The following VPS35L variants were observed in gnomAD, a reference collection of about 807,000 sequenced individuals.
VPS35L encodes the protein VPS35 endosomal protein sorting factor like, also known as VPS35 endosomal protein-sorting factor-like.
Under a neutral mutation model 133.0 loss-of-function variants are expected in VPS35L, and 83 were observed. The observed-to-expected ratio is 0.62, with a 90% CI of 0.52 to 0.75. The LOEUF is 0.75. Ranked by LOEUF, VPS35L falls within the 30% of genes least tolerant of loss-of-function variation. The pLI, the probability that VPS35L is intolerant of heterozygous loss-of-function variation, is 0.00. For missense variants in VPS35L, 1,083 were observed against 1,206.8 expected (o/e 0.90, Z 1.52); for synonymous variants, 423 against 449.9 (o/e 0.94, Z 0.76).
intron 14 of VPS35L, 170 bp downstream of exon 14, chr16:19,616,978 T>C: frequency 1.0e-6 from 1 of 966,098 alleles, no homozygotes; most frequent in Non-Finnish European, 1.6e-6. Context: ...GCTGAGTGCT[T>C]TTCTGAGATA....
intron 7 of VPS35L, 130 bp downstream of exon 7, chr16:19,581,783 C>A: frequency 1.8e-6 from 2 of 1,088,616 alleles, no homozygotes; most frequent in Non-Finnish European, 2.6e-6. Context: ...TTTTCATATA[C>A]TTCCTGTGAA....
Position 19,669,140 on chromosome 16 carries a change from T to A in VPS35L, c.2222-20T>A. On this transcript the variant is annotated intron_variant, in intron 26 of 30. Coordinates refer to ENST00000417362, the MANE Select transcript of VPS35L (RefSeq NM_020314.7). ...TTTCCCAGAGTTCTAATATACTGAC[T>A]TTTATCTTCTGTCTTGCAGCTGATG... 6.3e-7 allele frequency: 1 copy of A among 1,590,142 alleles called. No homozygotes were observed. Among genetic ancestry groups the A allele is most frequent in the Non-Finnish European group, 8.6e-7 (1 of 1,164,718 alleles).
At chr16:19,564,630 C>G (rs763262007) in intron 1 of VPS35L, among the ~76,000 whole-genome samples, 16 of 152,188 alleles carry the variant, frequency 1.1e-4, no homozygotes, top group Non-Finnish European at 1.8e-4. Context: ...AACTCCTGAC[C>G]TCACGTGATC....
chr16:19,619,556 G>T (rs919116330), intron 14 of VPS35L, among the ~76,000 whole-genome samples: 1 of 152,024 alleles, frequency 6.6e-6, no homozygotes, highest in Non-Finnish European at 1.5e-5. Context: ...GGTGAAATGA[G>T]AACGCTTTTT....
At chr16:19,595,167 AG>A (rs1455659644) in intron 8 of VPS35L, among the ~76,000 whole-genome samples, 1 of 152,070 alleles carries the variant, frequency 6.6e-6, no homozygotes, top group Admixed American at 6.6e-5. Flanking sequence ...TGAGGACAGG[AG>A]GGGCCACCAG....
At chr16:19,565,810 A>T (rs548651914) in intron 2 of VPS35L, among the ~76,000 whole-genome samples, 1 of 152,172 alleles carries the variant, frequency 6.6e-6, no homozygotes, top group Non-Finnish European at 1.5e-5. Context: ...ATGTATCTTG[A>T]CTTTTAATTT....
At chr16:19,594,163 G>T (rs1051837386) in intron 8 of VPS35L, among the ~76,000 whole-genome samples, 68 of 152,108 alleles carry the variant, frequency 4.5e-4, no homozygotes, top group African/African-American at 1.6e-3. Context: ...GATTATCCAG[G>T]CCTGGGTCAC....
At chr16:19,677,406 A>G (rs1420173418) in intron 27 of VPS35L, among the ~76,000 whole-genome samples, 2 of 152,158 alleles carry the variant, frequency 1.3e-5, no homozygotes, top group African/African-American at 4.8e-5. Context: ...AATGAACCAT[A>G]GAGACCTCTC....
At chr16:19,584,738 T>C (rs532724890) in intron 7 of VPS35L, among the ~76,000 whole-genome samples, 6 of 152,016 alleles carry the variant, frequency 3.9e-5, no homozygotes, top group Non-Finnish European at 7.4e-5. Flanking sequence ...TGGAGTGCAG[T>C]GACTAGTCAC....
chr16:19,635,706 G>T (rs559742299), intron 19 of VPS35L, among the ~76,000 whole-genome samples: 1 of 152,280 alleles, frequency 6.6e-6, no homozygotes, highest in East Asian at 1.9e-4. Context: ...GTGTTAAGGG[G>T]TAAGGGCATG....
chr16:19,686,462 C>A (rs1975463859), intron 28 of VPS35L, among the ~76,000 whole-genome samples: 1 of 152,094 alleles, frequency 6.6e-6, no homozygotes, highest in South Asian at 2.1e-4. Context: ...ATTTAGTATG[C>A]AGATAGAGTG....
intron 26 of VPS35L, among the ~76,000 whole-genome samples, chr16:19,665,149 C>T (rs58277580): frequency 0.35 from 52,957 of 151,964 alleles, 9,476 homozygotes; most frequent in African/African-American, 0.38. Flanking sequence ...TGTATCCATC[C>T]CCTCAAGCAT....
chr16:19,605,933 A>C (rs1972525166), intron 9 of VPS35L, among the ~76,000 whole-genome samples: 1 of 152,170 alleles, frequency 6.6e-6, no homozygotes, highest in African/African-American at 2.4e-5. Context: ...CTGGAACACC[A>C]CCTTTAGTTG....
chr16:19,561,968 G>A (rs780977040), intron 1 of VPS35L, among the ~76,000 whole-genome samples: 1 of 152,040 alleles, frequency 6.6e-6, no homozygotes, highest in Non-Finnish European at 1.5e-5. Context: ...TTAGCCGGGC[G>A]TGGGGGTGTG....
intron 7 of VPS35L, among the ~76,000 whole-genome samples, chr16:19,588,841 C>T (rs1341598815): frequency 1.3e-5 from 2 of 152,182 alleles, no homozygotes; most frequent in African/African-American, 2.4e-5. Flanking sequence ...TTCAGCTTTT[C>T]CAGATAATGC....
chr16:19,568,484 C>G (rs150470641), intron 2 of VPS35L, among the ~76,000 whole-genome samples: 1 of 151,998 alleles, frequency 6.6e-6, no homozygotes, highest in African/African-American at 2.4e-5. Context: ...CTCACCTTCC[C>G]GAAGGATGGG....
chr16:19,583,046 A>G (rs556235830), intron 7 of VPS35L, among the ~76,000 whole-genome samples: 4 of 152,168 alleles, frequency 2.6e-5, no homozygotes, highest in Non-Finnish European at 5.9e-5. Flanking sequence ...TATACGGTAA[A>G]GTTTTTTTGT....
chr16:19,584,704 A>G (rs1321072464), intron 7 of VPS35L, among the ~76,000 whole-genome samples: 2 of 109,866 alleles, frequency 1.8e-5, no homozygotes, highest in African/African-American at 3.5e-5. Context: ...GTTTTTTTTT[A>G]TTAAGAGATG....
At chr16:19,624,345 G>T (rs1973192227) in intron 14 of VPS35L, among the ~76,000 whole-genome samples, 1 of 151,810 alleles carries the variant, frequency 6.6e-6, no homozygotes. Context: ...CACTTTGCAG[G>T]GCTGAGGCGG....
Sources: gnomAD v4.1 joint callset for allele counts (sites outside exome capture counted in the v4.1 genomes callset) on GRCh38, gnomAD v4.1.1 for gene constraint, MANE v1.5 for transcripts, NCBI Gene and HGNC (gene_info 2026-07-23, HGNC 2026-07-21) for gene names.